Variants in AHI1 observed in about 807,000 individuals in gnomAD.
The protein encoded by AHI1 is Abelson helper integration site 1.
Under a neutral mutation model 149.3 loss-of-function variants are expected in AHI1, and 123 were observed. The ratio of observed to expected loss-of-function variants is 0.82; its 90% CI spans 0.71 to 0.96. The LOEUF is 0.96. Ranked by LOEUF, AHI1 falls within the 40% of genes least tolerant of loss-of-function variation. The probability of loss-of-function intolerance (pLI) is 0.00; values close to 1 mark genes in which losing one functional copy is unlikely to be tolerated. For missense variants in AHI1, 1,439 were observed against 1,422.7 expected (o/e 1.01, Z -0.18); for synonymous variants, 475 against 459.8 (o/e 1.03, Z -0.42).
chr6:135,458,712 G>A (rs1163390545), intron 8 of AHI1, among the ~76,000 whole-genome samples: 1 of 152,096 alleles, frequency 6.6e-6, no homozygotes, highest in Non-Finnish European at 1.5e-5. Context: ...GGGCTACAGT[G>A]ACAAAAATGG....
chr6:135,429,885 CG>C lies in AHI1; in HGVS notation c.2488del (p.Arg830GlyfsTer3). 1 of 1,524,092 alleles carries C rather than the reference CG, an allele frequency of 6.6e-7. No homozygotes were observed. The highest frequency in any genetic ancestry group is 9.0e-7 in the Non-Finnish European group (1 of 1,111,554). The allele number at this position is 1,524,092 out of a possible 1,614,324, so 94.4% of individuals were successfully genotyped here. ...KDSTLRIMDLRILVARKFVGA... is the reference protein window; with the variant it reads ...KDSTLRIMDLXILVARKFVGA... ...GTCAACACTGAAATATACTTACATC[CG>C]GAGATCCATAATTCTCAAAGTACTG... On this transcript the variant is annotated frameshift_variant, in exon 18 of 29. Transcript: ENST00000265602. LOFTEE classifies it high-confidence loss of function.
intron 27 of AHI1, among the ~76,000 whole-genome samples, chr6:135,294,827 C>T (rs1283115517): frequency 6.6e-6 from 1 of 151,538 alleles, no homozygotes; most frequent in Non-Finnish European, 1.5e-5. Flanking sequence ...TATAAAACTT[C>T]TACAAGAAAA....
At chr6:135,318,663 C>A (rs562653082) in intron 25 of AHI1, 47 bp from the exon 26 acceptor site, 1 of 1,243,180 alleles carries the variant, frequency 8.0e-7, no homozygotes, top group East Asian at 2.5e-5. Flanking sequence ...AGGAGCACTG[C>A]TCCATGGGGG....
rs1426451248 is a variant in AHI1, at chr6:135,466,057, T to C, written c.506A>G (p.Lys169Arg). ...TCTTCCCTCATTTGCCTTCTCACTTTTCTGATGATCAACGCCTGGCTGTGG... is the reference window on the plus strand; with the variant it reads ...TCTTCCCTCATTTGCCTTCTCACTTCTCTGATGATCAACGCCTGGCTGTGG... ...TKPQPGVDHQKSEKANEGREE... is the reference protein window; with the variant it reads ...TKPQPGVDHQRSEKANEGREE... Residue 169 changes from lysine (K) to arginine (R), a missense_variant, in exon 7 of 29, where the codon AAA becomes AGA. Lys to Arg is a conservative substitution (Grantham distance 26). Coordinates refer to ENST00000265602, the MANE Select transcript of AHI1 (RefSeq NM_001134831.2). The C allele has an allele frequency of 1.9e-6, 3 of 1,613,984 alleles. No homozygotes were observed. The highest frequency in any genetic ancestry group is 2.2e-5 in the South Asian group (2 of 91,076).
At chr6:135,449,940 C>G (rs528867837) in intron 11 of AHI1, among the ~76,000 whole-genome samples, 1 of 152,288 alleles carries the variant, frequency 6.6e-6, no homozygotes, top group Admixed American at 6.5e-5. Flanking sequence ...GGAGAGTGGA[C>G]AGATGGTGGT....
intron 5 of AHI1, among the ~76,000 whole-genome samples, chr6:135,489,356 T>C (rs867390187): frequency 6.6e-6 from 1 of 152,214 alleles, no homozygotes; most frequent in Non-Finnish European, 1.5e-5. Flanking sequence ...ATTATCCATT[T>C]AATTTAAACC....
intron 24 of AHI1, among the ~76,000 whole-genome samples, chr6:135,349,322 T>C (rs948593908): frequency 6.6e-6 from 1 of 152,074 alleles, no homozygotes; most frequent in African/African-American, 2.4e-5. Context: ...ATTTATGAAA[T>C]GAAGAAAAAA....
intron 22 of AHI1, among the ~76,000 whole-genome samples, chr6:135,402,661 A>T (rs1780184765): frequency 6.6e-6 from 1 of 151,668 alleles, no homozygotes. Flanking sequence ...CCAAACCCTC[A>T]TTTTCCTCCT....
At chr6:135,485,685 T>C (rs1325816916) in intron 5 of AHI1, among the ~76,000 whole-genome samples, 2 of 152,256 alleles carry the variant, frequency 1.3e-5, no homozygotes, top group African/African-American at 2.4e-5. Context: ...TATTTTCTTA[T>C]TGTTTCTAGC....
intron 8 of AHI1, among the ~76,000 whole-genome samples, chr6:135,458,983 T>TGAC (rs1237091530): frequency 6.6e-6 from 1 of 152,154 alleles, no homozygotes; most frequent in Non-Finnish European, 1.5e-5. Flanking sequence ...TCTCAACAGC[T>TGAC]GACAGAATAA....
chr6:135,491,634 A>T (rs940916229), intron 4 of AHI1, among the ~76,000 whole-genome samples: 8 of 152,164 alleles, frequency 5.3e-5, no homozygotes, highest in Non-Finnish European at 1.2e-4. Context: ...CCATAACTAC[A>T]TCCCCAGCTA....
chr6:135,449,818 A>G (rs1039016772), intron 11 of AHI1, among the ~76,000 whole-genome samples: 2 of 152,250 alleles, frequency 1.3e-5, no homozygotes, highest in African/African-American at 4.8e-5. Flanking sequence ...CTGCACTTGA[A>G]GTATGGCTAG....
intron 23 of AHI1, among the ~76,000 whole-genome samples, chr6:135,381,391 G>T (rs1251556892): frequency 6.6e-6 from 1 of 152,058 alleles, no homozygotes; most frequent in Non-Finnish European, 1.5e-5. Context: ...ACATTAATAT[G>T]AAATACAAAC....
Position 135,433,365 on chromosome 6 carries a change from C to T in AHI1, c.2037-109G>A, listed in dbSNP as rs868445483. 1.0e-4 allele frequency: 72 copies of T among 700,748 alleles called. 1 individual carries two copies. In the Middle Eastern group the frequency reaches 1.9e-3, roughly 18 times the overall value. 43.4% of individuals were successfully genotyped at this position (700,748 alleles called of 1,614,324 possible). A position where few individuals can be genotyped will look rare whatever the true frequency, so the allele number is the denominator to read the frequency against. Reference sequence around the variant, plus strand: ...TGAACCTTAAGCAAGCAAGTGACAACGACCAATGGTAAACCAAGTTTTAAA... The same window carrying T: ...TGAACCTTAAGCAAGCAAGTGACAATGACCAATGGTAAACCAAGTTTTAAA... On this transcript the variant is annotated intron_variant, in intron 15 of 28. Coordinates refer to ENST00000265602, the MANE Select transcript of AHI1 (RefSeq NM_001134831.2).
intron 24 of AHI1, among the ~76,000 whole-genome samples, chr6:135,325,732 C>CT (rs1283448445): frequency 6.6e-6 from 1 of 152,040 alleles, no homozygotes; most frequent in Non-Finnish European, 1.5e-5. Flanking sequence ...TGGTTTGTTC[C>CT]TGTTGTTCCT....
chr6:135,423,822 A>T (rs1340257731), intron 20 of AHI1, among the ~76,000 whole-genome samples: 2 of 152,122 alleles, frequency 1.3e-5, no homozygotes, highest in African/African-American at 4.8e-5. Context: ...ACTCAGTATT[A>T]ACTCTGGTTC....
At chr6:135,297,596 TTTAA>T (rs775352386) in intron 27 of AHI1, 22 of 446,364 alleles carry the variant, frequency 4.9e-5, no homozygotes, top group Non-Finnish European at 9.0e-5. Flanking sequence ...GTAATGCTTC[TTTAA>T]TATCTCTCAA....
chr6:135,408,231 T>C (rs942329765), intron 21 of AHI1, among the ~76,000 whole-genome samples: 3 of 152,130 alleles, frequency 2.0e-5, no homozygotes, highest in Admixed American at 2.0e-4. Context: ...TTTATAAATC[T>C]GTTGGTGAGT....
At position 135,431,228 on chromosome 6, in the gene AHI1, G is replaced by A; in HGVS notation, c.2353C>T (p.His785Tyr). ...VKINDLEHSV[H>Y]HWTINKEIKE... is the part of the protein sequence containing the mutation. The stretch of plus-strand genomic sequence containing the variant: ...TATACCTTATTTATAGTCCAGTGGT[G>A]CACTGAATGTTCCAAATCATTAATC... The change falls in exon 17 of 29, where the codon CAC becomes TAC. Residue 785 changes from histidine to tyrosine, a missense_variant. Coordinates refer to ENST00000265602, the MANE Select transcript of AHI1 (RefSeq NM_001134831.2). 1 of 1,598,922 alleles carries A rather than the reference G, an allele frequency of 6.3e-7. No individual in the cohort carries two copies. Among genetic ancestry groups the A allele is most frequent in the Non-Finnish European group, 8.5e-7 (1 of 1,169,924 alleles).
Sources: allele counts gnomAD v4.1 joint callset (sites outside exome capture counted in the v4.1 genomes callset), GRCh38; gene constraint gnomAD v4.1.1; transcripts MANE v1.5; gene names NCBI Gene and HGNC (gene_info 2026-07-23, HGNC 2026-07-21).